Variants in HTR7 observed in about 807,000 individuals in gnomAD.
The protein encoded by HTR7 is 5-HT-7.
HTR7 carries 16 observed loss-of-function variants against 34.0 expected under a neutral mutation model. The ratio of observed to expected loss-of-function variants is 0.47; its 90% CI spans 0.32 to 0.71. HTR7 has a LOEUF of 0.71. HTR7 is among the 30% of genes least tolerant of loss of function. The probability of loss-of-function intolerance (pLI) is 0.04; values close to 1 mark genes in which losing one functional copy is unlikely to be tolerated. For missense variants in HTR7, 504 were observed against 625.5 expected, an observed-to-expected ratio of 0.81 and a Z score of 2.07; for synonymous variants, 265 against 260.2, an observed-to-expected ratio of 1.02 and a Z score of -0.18.
intron 1 of HTR7, among the ~76,000 whole-genome samples, chr10:90,852,652 T>A (rs890580622): frequency 3.3e-5 from 5 of 152,208 alleles, no homozygotes; most frequent in African/African-American, 9.6e-5. Flanking sequence ...TACAACGGAA[T>A]ACTACTTATC....
intron 1 of HTR7, among the ~76,000 whole-genome samples, chr10:90,819,446 G>C (rs1029496962): frequency 6.6e-6 from 1 of 152,170 alleles, no homozygotes; most frequent in African/African-American, 2.4e-5. Context: ...GGCTGGGGAT[G>C]CAAAGCCCAC....
At chr10:90,746,360 A>AC (rs2119666412) in intron 2 of HTR7, among the ~76,000 whole-genome samples, 1 of 152,336 alleles carries the variant, frequency 6.6e-6, no homozygotes, top group South Asian at 2.1e-4. Flanking sequence ...ATAATCAATA[A>AC]AATGATTCTC....
At position 90,827,159 on chromosome 10, in the gene HTR7, A is replaced by G. The variant is rs1846091148; in HGVS notation, c.539+29974T>C. 2.0e-5 allele frequency among the ~76,000 whole-genome samples: 3 copies of G among 152,256 alleles called. No homozygotes were observed. The South Asian group carries it at 6.2e-4, about 32-fold the overall frequency. ...AGGAAAGAAGGAAGAGAAGAACACA[A>G]AACAACCAGAAAATAAATAAAAAAT... On this transcript the variant is annotated intron_variant, in intron 1 of 3. Transcript: ENST00000336152.
intron 1 of HTR7, among the ~76,000 whole-genome samples, chr10:90,753,642 T>C (rs545975443): frequency 3.7e-4 from 57 of 152,020 alleles, no homozygotes; most frequent in Non-Finnish European, 7.4e-4. Flanking sequence ...ATTGTACAAA[T>C]GCAAAATGAC....
intron 2 of HTR7, among the ~76,000 whole-genome samples, chr10:90,745,223 A>G (rs543302365): frequency 1.3e-5 from 2 of 152,180 alleles, no homozygotes; most frequent in Non-Finnish European, 2.9e-5. Flanking sequence ...ATAGTTTGAG[A>G]GGCTGAGAAA....
At chr10:90,775,773 G>A (rs980096004) in intron 1 of HTR7, among the ~76,000 whole-genome samples, 1 of 152,104 alleles carries the variant, frequency 6.6e-6, no homozygotes, top group Non-Finnish European at 1.5e-5. Context: ...TTTTTCTTCA[G>A]TTACAAGAAC....
intron 1 of HTR7, among the ~76,000 whole-genome samples, chr10:90,813,866 C>A (rs1490521647): frequency 6.6e-6 from 1 of 152,156 alleles, no homozygotes; most frequent in African/African-American, 2.4e-5. Context: ...CCAGCTTCCT[C>A]ACCAGCTATG....
intron 1 of HTR7, among the ~76,000 whole-genome samples, chr10:90,791,958 A>T (rs1391047682): frequency 6.6e-6 from 1 of 152,198 alleles, no homozygotes; most frequent in African/African-American, 2.4e-5. Flanking sequence ...AGGAAATTAA[A>T]GAGCAGTAAA....
chr10:90,838,973 G>A (rs1291458017), intron 1 of HTR7, among the ~76,000 whole-genome samples: 1 of 152,182 alleles, frequency 6.6e-6, no homozygotes, highest in Non-Finnish European at 1.5e-5. Context: ...ATCCTAGAGA[G>A]CAAAGGTGTT....
intron 1 of HTR7, among the ~76,000 whole-genome samples, chr10:90,802,630 G>A (rs563470331): frequency 2.4e-4 from 37 of 152,284 alleles, no homozygotes; most frequent in African/African-American, 6.7e-4. Context: ...CCGTAATAGC[G>A]TTATAGCTAG....
At chr10:90,825,814 G>A (rs932147972) in intron 1 of HTR7, among the ~76,000 whole-genome samples, 2 of 151,910 alleles carry the variant, frequency 1.3e-5, no homozygotes, top group Non-Finnish European at 2.9e-5. Flanking sequence ...AGTCAGAGAA[G>A]ACAAAATGAA....
At chr10:90,806,112 G>A (rs2119942863) in intron 1 of HTR7, among the ~76,000 whole-genome samples, 1 of 152,276 alleles carries the variant, frequency 6.6e-6, no homozygotes. Context: ...TAAATAACAT[G>A]AGGATGTGGT....
intron 1 of HTR7, among the ~76,000 whole-genome samples, chr10:90,829,923 T>C (rs534824713): frequency 4.7e-4 from 70 of 149,688 alleles, no homozygotes; most frequent in African/African-American, 1.2e-3. Flanking sequence ...GTGAAAGAAA[T>C]TGAAGAGAAC....
chr10:90,750,865 T>A lies in HTR7; in HGVS notation c.540-1271A>T, dbSNP rs905187550. On this transcript the variant is annotated intron_variant, in intron 1 of 3. Transcript: ENST00000336152. ...AAATAATGAGCCAGATGTTCTTACT[T>A]CTCTAGAATTCTTTCCTTCAATAAG... Among the ~76,000 whole-genome samples the A allele has an allele frequency of 3.3e-5, 5 of 152,176 alleles. No homozygotes were observed. In the East Asian group the frequency reaches 9.6e-4, roughly 29 times the overall value.
At chr10:90,785,336 T>C (rs1018401403) in intron 1 of HTR7, among the ~76,000 whole-genome samples, 11 of 151,892 alleles carry the variant, frequency 7.2e-5, no homozygotes, top group Admixed American at 5.9e-4. Context: ...TCAAAAGTGT[T>C]TGATCACTCA....
chr10:90,824,184 C>G (rs1187120473), intron 1 of HTR7, among the ~76,000 whole-genome samples: 1 of 152,226 alleles, frequency 6.6e-6, no homozygotes, highest in East Asian at 1.9e-4. Flanking sequence ...ATCAGCTGAG[C>G]CACAACAGGA....
intron 1 of HTR7, among the ~76,000 whole-genome samples, chr10:90,828,799 A>G (rs1846118864): frequency 6.6e-6 from 1 of 152,168 alleles, no homozygotes; most frequent in Admixed American, 6.5e-5. Context: ...ACTATTCTGA[A>G]AAATAGAATA....
At chr10:90,852,222 A>T (rs1428804931) in intron 1 of HTR7, among the ~76,000 whole-genome samples, 3 of 151,740 alleles carry the variant, frequency 2.0e-5, no homozygotes, top group African/African-American at 7.3e-5. Flanking sequence ...AAAGTTTTTA[A>T]TTTAAAAAAA....
intron 1 of HTR7, among the ~76,000 whole-genome samples, chr10:90,794,513 A>G (rs1845508658): frequency 6.6e-6 from 1 of 152,118 alleles, no homozygotes; most frequent in South Asian, 2.1e-4. Context: ...AATTTTTTTG[A>G]GACAGGATCT....
Sources: gnomAD v4.1 joint callset for allele counts (sites outside exome capture counted in the v4.1 genomes callset) on GRCh38, gnomAD v4.1.1 for gene constraint, MANE v1.5 for transcripts, NCBI Gene and HGNC (gene_info 2026-07-23, HGNC 2026-07-21) for gene names.